RIN2: variants seen among roughly 807,000 people sequenced by gnomAD.
RIN2 encodes RAB5 interacting protein 2.
RIN2 carries 36 observed loss-of-function variants against 78.0 expected under a neutral mutation model. The observed-to-expected ratio is 0.46, with a 90% CI of 0.35 to 0.61. The LOEUF (loss-of-function observed/expected upper bound fraction) is 0.61, where lower values mean the gene tolerates loss of function less well. Among genes scored for constraint, RIN2 ranks in the 20% least tolerant of loss-of-function variants. The pLI is 0.00. For missense variants in RIN2, 1,087 were observed against 1,159.7 expected, an observed-to-expected ratio of 0.94 and a Z score of 0.91; for synonymous variants, 466 against 466.8, an observed-to-expected ratio of 1.00 and a Z score of 0.02.
intron 1 of RIN2, among the ~76,000 whole-genome samples, chr20:19,789,593 T>G (rs565237477): frequency 6.6e-6 from 1 of 152,304 alleles, no homozygotes; most frequent in Admixed American, 6.5e-5. Flanking sequence ...TTTTACCTAT[T>G]TGTAGCTTTA....
chr20:19,876,117 C>T lies in RIN2; in HGVS notation c.-36-13449C>T, dbSNP rs1307632104. 2.0e-5 allele frequency among the ~76,000 whole-genome samples: 3 copies of T among 152,196 alleles called. No individual in the cohort carries two copies. In the East Asian group the frequency reaches 5.8e-4, roughly 29 times the overall value. ...CAGAGAGAGAAACCAAAAATGACTG[C>T]TTCTCGTACTTTTTTCTAGACAGAT... On this transcript the variant is annotated intron_variant, in intron 2 of 12. Transcript: ENST00000255006.
At position 19,996,828 on chromosome 20, in the gene RIN2, G is replaced by C. The variant is rs752167802; in HGVS notation, c.2350G>C (p.Val784Leu). The C allele has an allele frequency of 5.0e-6, 8 of 1,595,472 alleles. No individual in the cohort carries two copies. The highest frequency in any genetic ancestry group is 1.8e-5 in the Admixed American group (1 of 56,864). Reference protein sequence around the residue: ...RRTTNRTIPSVDDFQNYLRVA... With the variant: ...RRTTNRTIPSLDDFQNYLRVA... ...AACCACCAACCGGACCATCCCCTCT[G>C]TGGACGACTTCCAGGTGTGCAGCTG... Residue 784 changes from valine to leucine, a missense_variant, in exon 12 of 13, where the codon GTG (valine) becomes CTG (leucine). Val to Leu is a conservative substitution (Grantham distance 32). This residue lies in a region of RIN2 where 160 missense variants were observed against 179.4 expected (regional missense o/e 0.89). Transcript: ENST00000255006.
chr20:19,913,184 G>A (rs922442763), intron 3 of RIN2, among the ~76,000 whole-genome samples: 5 of 151,922 alleles, frequency 3.3e-5, no homozygotes, highest in Admixed American at 2.6e-4. Context: ...TTATTTTCTA[G>A]GGATTCTGTT....
In RIN2 at chr20:19,888,469, T is replaced by C. The variant is rs1341822747; in HGVS notation, c.-36-1097T>C. 3.3e-5 allele frequency among the ~76,000 whole-genome samples: 5 copies of C among 152,228 alleles called. No homozygotes were observed. In the South Asian group the frequency reaches 6.2e-4, roughly 19 times the overall value. ...TGGCTCTCTGCCACTCAGCTAATAA[T>C]GAAACAGCCTCAGTGAACCTGCAGC... On this transcript the variant is annotated intron_variant, in intron 2 of 12. Coordinates refer to ENST00000255006, the MANE Select transcript of RIN2 (RefSeq NM_018993.4).
intron 2 of RIN2, among the ~76,000 whole-genome samples, chr20:19,844,499 A>T (rs1210145461): frequency 6.6e-6 from 1 of 152,150 alleles, no homozygotes; most frequent in East Asian, 1.9e-4. Flanking sequence ...AAGCTCAAAA[A>T]CTAGGTAGTC....
At chr20:20,000,517 G>A in intron 12 of RIN2, 96 bp from the exon 13 acceptor site, 1 of 963,180 alleles carries the variant, frequency 1.0e-6, no homozygotes, top group South Asian at 1.7e-5. Flanking sequence ...AAAGGGCCTG[G>A]AAATGGCTTA....
intron 3 of RIN2, among the ~76,000 whole-genome samples, chr20:19,932,020 T>A (rs2040462225): frequency 6.6e-6 from 1 of 152,186 alleles, no homozygotes; most frequent in Non-Finnish European, 1.5e-5. Flanking sequence ...GGGGGTAATA[T>A]TCCTCCAGCA....
intron 2 of RIN2, among the ~76,000 whole-genome samples, chr20:19,810,169 C>G (rs1711596205): frequency 6.7e-6 from 1 of 149,784 alleles, no homozygotes; most frequent in South Asian, 2.1e-4. Flanking sequence ...GAGGCCAAGG[C>G]AGGTGGATTT....
intron 1 of RIN2, among the ~76,000 whole-genome samples, chr20:19,781,796 T>C (rs969139186): frequency 6.6e-6 from 1 of 151,244 alleles, no homozygotes; most frequent in Non-Finnish European, 1.5e-5. Context: ...TTTTTTTTTT[T>C]TCAAGAAAAG....
At chr20:19,973,219 G>A (rs2042161127) in intron 8 of RIN2, among the ~76,000 whole-genome samples, 1 of 152,186 alleles carries the variant, frequency 6.6e-6, no homozygotes, top group Non-Finnish European at 1.5e-5. Flanking sequence ...GATTGACACT[G>A]AATGAGATTT....
chr20:19,769,506 C>T (rs2034032340), intron 1 of RIN2, among the ~76,000 whole-genome samples: 1 of 152,180 alleles, frequency 6.6e-6, no homozygotes, highest in African/African-American at 2.4e-5. Flanking sequence ...CATCATCGAC[C>T]CTCCATCTCT....
chr20:19,883,435 G>A (rs534078677), intron 2 of RIN2, among the ~76,000 whole-genome samples: 1 of 151,316 alleles, frequency 6.6e-6, no homozygotes, highest in East Asian at 2.0e-4. Context: ...GACCTCCTGG[G>A]CTCAGGCAAT....
intron 1 of RIN2, among the ~76,000 whole-genome samples, chr20:19,794,323 C>T (rs990419927): frequency 2.0e-5 from 3 of 152,080 alleles, no homozygotes; most frequent in East Asian, 1.9e-4. Flanking sequence ...TGGGAGGCCA[C>T]GGCGGGCAGA....
At chr20:19,873,607 C>T (rs906117975) in intron 2 of RIN2, among the ~76,000 whole-genome samples, 4 of 152,148 alleles carry the variant, frequency 2.6e-5, no homozygotes, top group Admixed American at 1.3e-4. Flanking sequence ...ATGGTAGGTG[C>T]ATTTGGCCTA....
At chr20:19,813,998 G>T (rs4813374) in intron 2 of RIN2, among the ~76,000 whole-genome samples, 2 of 151,982 alleles carry the variant, frequency 1.3e-5, no homozygotes, top group Non-Finnish European at 1.5e-5. Flanking sequence ...AATCTCTTCC[G>T]GTCTTGGTAA....
At chr20:19,839,194 C>T (rs533323011) in intron 2 of RIN2, among the ~76,000 whole-genome samples, 3 of 152,258 alleles carry the variant, frequency 2.0e-5, no homozygotes, top group East Asian at 1.9e-4. Context: ...GGAACAAAAC[C>T]GGTGAGAAAA....
At chr20:19,851,041 G>T (rs1166083260) in intron 2 of RIN2, among the ~76,000 whole-genome samples, 16 of 96,798 alleles carry the variant, frequency 1.7e-4, no homozygotes, top group Admixed American at 1.6e-3. Flanking sequence ...AAGGAAGGAA[G>T]GAAGGAAGGA....
chr20:19,952,134 T>C (rs928680459), intron 4 of RIN2, among the ~76,000 whole-genome samples: 4 of 152,210 alleles, frequency 2.6e-5, no homozygotes, highest in African/African-American at 9.6e-5. Context: ...GCAGCGTGAA[T>C]AGCCCCCCAG....
intron 3 of RIN2, among the ~76,000 whole-genome samples, chr20:19,920,476 A>G (rs1027576306): frequency 2.0e-5 from 3 of 152,164 alleles, no homozygotes; most frequent in African/African-American, 7.2e-5. Context: ...CAGACAACTG[A>G]TGCAATAGAT....
Sources: gnomAD v4.1 joint callset for allele counts (sites outside exome capture counted in the v4.1 genomes callset) on GRCh38, gnomAD v4.1.1 for gene constraint, gnomAD v4.1.1 regional missense constraint, MANE v1.5 for transcripts, NCBI Gene and HGNC (gene_info 2026-07-23, HGNC 2026-07-21) for gene names.